The following LGSN variants were observed in gnomAD, a reference collection of about 807,000 sequenced individuals.
LGSN encodes the protein lengsin.
LGSN carries 21 observed loss-of-function variants against 19.5 expected under a neutral mutation model. That is an observed-to-expected ratio of 1.07 (90% confidence interval 0.76 to 1.55). The LOEUF is 1.55. Ranked by LOEUF, LGSN falls within the 40% of genes most tolerant of loss-of-function variation. LGSN has a pLI of 0.00. For missense variants in LGSN, 673 were observed against 608.5 expected (o/e 1.11, Z -1.12); for synonymous variants, 257 against 215.6 (o/e 1.19, Z -1.68).
chr6:63,330,056 A>G, the LGSN span, among the ~76,000 whole-genome samples: 447 of 151,306 alleles, frequency 3.0e-3, 2 homozygotes, highest in African/African-American at 0.01. Context: ...CGCTTGCCCC[A>G]GGCACCCTCA....
chr6:63,483,281 T>G, the LGSN span, among the ~76,000 whole-genome samples: 16 of 152,204 alleles, frequency 1.1e-4, no homozygotes, highest in African/African-American at 3.9e-4. Context: ...GCTTGTGTCT[T>G]TATTCTTTTC....
the LGSN span, among the ~76,000 whole-genome samples, chr6:63,375,013 C>T: frequency 1.3e-5 from 2 of 152,138 alleles, no homozygotes; most frequent in Non-Finnish European, 2.9e-5. Flanking sequence ...CATTTTGACA[C>T]AAATGTTTCC....
At chr6:63,285,856 A>T in intron 2 of LGSN, 103 bp from the exon 3 acceptor site, 1 of 828,746 alleles carries the variant, frequency 1.2e-6, no homozygotes, top group Non-Finnish European at 1.9e-6. Flanking sequence ...TAACAAAAAC[A>T]TTATATATTC....
At chr6:63,438,586 C>CA in the LGSN span, among the ~76,000 whole-genome samples, 1 of 151,536 alleles carries the variant, frequency 6.6e-6, no homozygotes, top group Admixed American at 6.6e-5. Context: ...TTTATGCAGC[C>CA]AAAAAACACA....
At chr6:63,380,505 A>C in the LGSN span, among the ~76,000 whole-genome samples, 1 of 152,116 alleles carries the variant, frequency 6.6e-6, no homozygotes, top group Non-Finnish European at 1.5e-5. Flanking sequence ...TCACCAACTT[A>C]AGTCTGCTGT....
At chr6:63,465,090 T>C in the LGSN span, among the ~76,000 whole-genome samples, 1 of 151,880 alleles carries the variant, frequency 6.6e-6, no homozygotes, top group Non-Finnish European at 1.5e-5. Context: ...CCCCATGCTC[T>C]TGTGGTTATT....
At chr6:63,454,470 CTTT>C in the LGSN span, among the ~76,000 whole-genome samples, 1 of 118,668 alleles carries the variant, frequency 8.4e-6, no homozygotes, top group South Asian at 2.8e-4. Context: ...TTTACATTTT[CTTT>C]TTTTTTTTTT....
chr6:63,452,110 TTGGGA>T, the LGSN span, among the ~76,000 whole-genome samples: 1 of 151,886 alleles, frequency 6.6e-6, no homozygotes, highest in Middle Eastern at 3.4e-3. Flanking sequence ...ATAAAGTGAG[TTGGGA>T]CATGATCTCT....
At chr6:63,547,872 A>T in the LGSN span, among the ~76,000 whole-genome samples, 7 of 152,082 alleles carry the variant, frequency 4.6e-5, no homozygotes, top group Non-Finnish European at 1.0e-4. Flanking sequence ...TTGTTCTTGC[A>T]CTTTCCAACA....
At chr6:63,445,084 G>A in the LGSN span, among the ~76,000 whole-genome samples, 1 of 152,352 alleles carries the variant, frequency 6.6e-6, no homozygotes, top group African/African-American at 2.4e-5. Context: ...GCCGAGGTGG[G>A]CGGATCACCT....
chr6:63,484,734 GAGAATA>G, the LGSN span, among the ~76,000 whole-genome samples: 1 of 152,234 alleles, frequency 6.6e-6, no homozygotes, highest in South Asian at 2.1e-4. Context: ...TACCACGCAA[GAGAATA>G]TACCCAAAGC....
chr6:63,405,148 T>G, the LGSN span, among the ~76,000 whole-genome samples: 2 of 152,002 alleles, frequency 1.3e-5, no homozygotes, highest in Non-Finnish European at 2.9e-5. Flanking sequence ...TCATTTTTTG[T>G]GGCTGCATAG....
chr6:63,358,768 T>A, the LGSN span, among the ~76,000 whole-genome samples: 6 of 152,224 alleles, frequency 3.9e-5, no homozygotes, highest in African/African-American at 1.4e-4. Flanking sequence ...TACAATTATG[T>A]CACCTGCAAA....
At chr6:63,326,653 A>G in the LGSN span, among the ~76,000 whole-genome samples, 11 of 152,298 alleles carry the variant, frequency 7.2e-5, no homozygotes, top group East Asian at 5.8e-4. Flanking sequence ...GTGTGCTGGC[A>G]CTGCTAGGGG....
the LGSN span, among the ~76,000 whole-genome samples, chr6:63,470,547 T>A: frequency 1.2e-4 from 19 of 152,058 alleles, no homozygotes; most frequent in Admixed American, 5.2e-4. Context: ...ATATATATAT[T>A]TTTTATTTTA....
chr6:63,420,171 C>T, the LGSN span, among the ~76,000 whole-genome samples: 1 of 151,424 alleles, frequency 6.6e-6, no homozygotes, highest in Non-Finnish European at 1.5e-5. Context: ...CCACTGCACT[C>T]CAGCGGAGGC....
the LGSN span, among the ~76,000 whole-genome samples, chr6:63,457,847 C>T: frequency 5.3e-5 from 8 of 152,016 alleles, no homozygotes; most frequent in South Asian, 2.1e-4. Context: ...CCACTGCACT[C>T]GAGCCTGGGC....
intron 2 of LGSN, among the ~76,000 whole-genome samples, chr6:63,294,707 A>C (rs1050686411): frequency 2.0e-5 from 3 of 151,120 alleles, no homozygotes; most frequent in Non-Finnish European, 4.4e-5. Flanking sequence ...AACCCTCTTT[A>C]CATTGTAAAT....
At chr6:63,422,668 A>T in the LGSN span, among the ~76,000 whole-genome samples, 1 of 152,174 alleles carries the variant, frequency 6.6e-6, no homozygotes, top group Non-Finnish European at 1.5e-5. Context: ...AGAGATACAC[A>T]CGAAAATACT....
Sources: gnomAD v4.1 joint callset for allele counts (sites outside exome capture counted in the v4.1 genomes callset) on GRCh38, gnomAD v4.1.1 for gene constraint, MANE v1.5 for transcripts, NCBI Gene and HGNC (gene_info 2026-07-23, HGNC 2026-07-21) for gene names.